DNAH7: variants seen among roughly 807,000 people sequenced by gnomAD.
DNAH7 encodes axonemal beta dynein heavy chain 7.
Under a neutral mutation model 444.6 loss-of-function variants are expected in DNAH7, and 397 were observed. The observed-to-expected ratio is 0.89, with a 90% confidence interval of 0.82 to 0.97. DNAH7 has a LOEUF of 0.97. Among genes scored for constraint, DNAH7 ranks in the 50% least tolerant of loss-of-function variants. The pLI is 0.00. For missense variants in DNAH7, 4,902 were observed against 4,800.8 expected, an observed-to-expected ratio of 1.02 and a Z score of -0.62; for synonymous variants, 1,636 against 1,624.4, an observed-to-expected ratio of 1.01 and a Z score of -0.17.
chr2:195,833,768 T>G (rs1233194736), intron 48 of DNAH7, among the ~76,000 whole-genome samples: 4 of 152,168 alleles, frequency 2.6e-5, no homozygotes, highest in Non-Finnish European at 5.9e-5. Flanking sequence ...TATTTTTTAT[T>G]TTTTTGAGAT....
intron 61 of DNAH7, among the ~76,000 whole-genome samples, chr2:195,769,207 G>A (rs1361193429): frequency 1.3e-5 from 2 of 152,030 alleles, no homozygotes; most frequent in Non-Finnish European, 1.5e-5. Context: ...AGTAATCTAT[G>A]CTTGCGGAGA....
At chr2:196,020,086 TTC>T (rs1171636546) in intron 8 of DNAH7, among the ~76,000 whole-genome samples, 10 of 152,284 alleles carry the variant, frequency 6.6e-5, no homozygotes, top group South Asian at 2.1e-4. Flanking sequence ...TAAATATATT[TTC>T]TCTTTCTTAT....
At chr2:196,013,910 T>C (rs1301212236) in intron 9 of DNAH7, among the ~76,000 whole-genome samples, 1 of 152,238 alleles carries the variant, frequency 6.6e-6, no homozygotes, top group Non-Finnish European at 1.5e-5. Context: ...GAGATAGCAC[T>C]GAATAAGTAG....
chr2:195,944,505 C>T (rs991100042), intron 19 of DNAH7, among the ~76,000 whole-genome samples: 5 of 152,166 alleles, frequency 3.3e-5, no homozygotes, highest in African/African-American at 1.2e-4. Flanking sequence ...AATTTATCTA[C>T]ACCTCTGCCA....
chr2:196,006,445 T>C (rs190494432), intron 10 of DNAH7, among the ~76,000 whole-genome samples: 1 of 151,882 alleles, frequency 6.6e-6, no homozygotes, highest in Non-Finnish European at 1.5e-5. Context: ...ATTATCTCAA[T>C]AGATTCAAAA....
chr2:195,891,618 C>G lies in DNAH7; in HGVS notation c.5046+37G>C, dbSNP rs369996837. The G allele has an allele frequency of 2.0e-6, 3 of 1,475,140 alleles. No homozygotes were observed. In the East Asian group the frequency reaches 7.4e-5, roughly 36 times the overall value. 91.4% of individuals were successfully genotyped at this position (1,475,140 alleles called of 1,614,324 possible). A position where few individuals can be genotyped will look rare whatever the true frequency, so the allele number is the denominator to read the frequency against. ...AATTGGTCAGAAATAAATATCTTAACCTTTTAAGATATGCATGTGAAAGTG... is the reference window on the plus strand; with the variant it reads ...AATTGGTCAGAAATAAATATCTTAAGCTTTTAAGATATGCATGTGAAAGTG... On this transcript the variant is annotated intron_variant, in intron 31 of 64. Transcript: ENST00000312428.
At chr2:195,945,236 C>T (rs1484870118) in intron 19 of DNAH7, among the ~76,000 whole-genome samples, 1 of 152,102 alleles carries the variant, frequency 6.6e-6, no homozygotes, top group Non-Finnish European at 1.5e-5. Context: ...GAGCATACTT[C>T]CAGGACAGAC....
At chr2:195,792,522 A>G (rs1319798459) in intron 57 of DNAH7, among the ~76,000 whole-genome samples, 1 of 152,036 alleles carries the variant, frequency 6.6e-6, no homozygotes, top group African/African-American at 2.4e-5. Context: ...GCCAGATTAA[A>G]AGAGACAAAA....
At chr2:196,017,315 A>G (rs948967686) in intron 9 of DNAH7, among the ~76,000 whole-genome samples, 1 of 152,180 alleles carries the variant, frequency 6.6e-6, no homozygotes, top group African/African-American at 2.4e-5. Context: ...ACTTGGCCCC[A>G]AAGTGCTTCT....
intron 19 of DNAH7, among the ~76,000 whole-genome samples, chr2:195,942,521 G>A (rs975603076): frequency 6.6e-6 from 1 of 152,022 alleles, no homozygotes; most frequent in Non-Finnish European, 1.5e-5. Context: ...CTGGAATAGA[G>A]TAAGTACAGT....
chr2:195,785,677 G>A (rs1695585545), intron 58 of DNAH7, among the ~76,000 whole-genome samples: 1 of 149,518 alleles, frequency 6.7e-6, no homozygotes, highest in Non-Finnish European at 1.5e-5. Flanking sequence ...ATGATCATGT[G>A]GTTTTTCTTC....
At chr2:195,787,715 T>C (rs1358749405) in intron 57 of DNAH7, among the ~76,000 whole-genome samples, 4 of 151,862 alleles carry the variant, frequency 2.6e-5, no homozygotes, top group Non-Finnish European at 4.4e-5. Flanking sequence ...CCCTCTAAGT[T>C]CGAGTTAGTG....
At chr2:195,770,261 G>C (rs1027296307) in intron 61 of DNAH7, among the ~76,000 whole-genome samples, 1 of 152,196 alleles carries the variant, frequency 6.6e-6, no homozygotes, top group African/African-American at 2.4e-5. Flanking sequence ...GCAGTGGTTA[G>C]AGTAAACTTT....
chr2:195,886,982 A>C (rs1574668701), intron 33 of DNAH7, among the ~76,000 whole-genome samples: 1 of 152,188 alleles, frequency 6.6e-6, no homozygotes, highest in South Asian at 2.1e-4. Flanking sequence ...TTGCCACCCC[A>C]GTAGAAACAT....
At chr2:196,016,025 GCCA>G (rs1345760953) in intron 9 of DNAH7, among the ~76,000 whole-genome samples, 1 of 152,180 alleles carries the variant, frequency 6.6e-6, no homozygotes, top group African/African-American at 2.4e-5. Flanking sequence ...TAACATCTCT[GCCA>G]CCACAACTAC....
rs866779881 is a variant in DNAH7, at chr2:195,858,789, C to T, written c.7752G>A (p.Met2584Ile). Residue 2584 changes from methionine to isoleucine, a missense_variant, in exon 43 of 65, where the codon ATG becomes ATA. Coordinates refer to ENST00000312428, the MANE Select transcript of DNAH7 (RefSeq NM_018897.3). ...LEKKRSEVMK[M>I]KKRYEVGLEK... Reference sequence around the variant, plus strand: ...CCAAACCCACTTCATATCTCTTTTTCATTTTCATTACTTCACTGGAAGGAA... The same window carrying T: ...CCAAACCCACTTCATATCTCTTTTTTATTTTCATTACTTCACTGGAAGGAA... 1 of 1,606,596 alleles carries T rather than the reference C, an allele frequency of 6.2e-7. No individual in the cohort carries two copies. Among genetic ancestry groups the T allele is most frequent in the African/African-American group, 1.3e-5 (1 of 74,336 alleles).
intron 36 of DNAH7, 60 bp from the exon 37 acceptor site, chr2:195,876,759 A>C (rs1052017560): frequency 6.7e-6 from 8 of 1,196,028 alleles, no homozygotes; most frequent in Non-Finnish European, 9.6e-6. Flanking sequence ...ATTTCAGAAT[A>C]AACACTAAGC....
chr2:195,836,897 A>C (rs963825067), intron 47 of DNAH7, among the ~76,000 whole-genome samples: 1 of 152,144 alleles, frequency 6.6e-6, no homozygotes, highest in Non-Finnish European at 1.5e-5. Context: ...TCCAAAATGC[A>C]CTTCTCTCCC....
intron 61 of DNAH7, among the ~76,000 whole-genome samples, chr2:195,767,470 T>A (rs1694640267): frequency 6.6e-6 from 1 of 152,050 alleles, no homozygotes; most frequent in Admixed American, 6.5e-5. Flanking sequence ...GACACTTCTA[T>A]ACCTTTACTC....
Sources: allele counts gnomAD v4.1 joint callset (sites outside exome capture counted in the v4.1 genomes callset), GRCh38; gene constraint gnomAD v4.1.1; transcripts MANE v1.5; gene names NCBI Gene and HGNC (gene_info 2026-07-23, HGNC 2026-07-21).